The following SLC13A2 variants were observed in gnomAD, a reference collection of about 807,000 sequenced individuals.
The protein encoded by SLC13A2 is solute carrier family 13 member 2, also known as Na(+)-coupled citrate transporter.
SLC13A2 carries 40 observed loss-of-function variants against 58.5 expected under a neutral mutation model. The observed-to-expected ratio is 0.68, with a 90% CI of 0.53 to 0.89. The LOEUF (loss-of-function observed/expected upper bound fraction) is 0.89. Among genes scored for constraint, SLC13A2 ranks in the 40% least tolerant of loss-of-function variants. SLC13A2 has a pLI of 0.00. For synonymous variants in SLC13A2, 341 were observed against 331.6 expected, an observed-to-expected ratio of 1.03 and a Z score of -0.31; for missense variants, 694 against 772.6, an observed-to-expected ratio of 0.90 and a Z score of 1.21.
In SLC13A2 at chr17:28,490,570, C is replaced by T. The variant is rs369058757; in HGVS notation, c.348C>T (p.Ile116=). ...HKRIALRVLL[I]VGVRPAPLIL... ...GCATCGCCCTCCGTGTCCTCCTCAT[C>T]GTTGGGGTGCGGCCTGCCCCGTGAG... The change falls in exon 3 of 12, where the codon ATC becomes ATT. Residue 116 remains isoleucine (I), a synonymous_variant. Coordinates refer to ENST00000314669, the MANE Select transcript of SLC13A2 (RefSeq NM_003984.4). The T allele has an allele frequency of 1.6e-4, 251 of 1,604,482 alleles. No homozygotes were observed. The highest frequency in any genetic ancestry group is 1.0e-4 in the Admixed American group (6 of 59,748).
At chr17:28,477,005 C>G (rs539820449) in intron 1 of SLC13A2, among the ~76,000 whole-genome samples, 40 of 151,556 alleles carry the variant, frequency 2.6e-4, no homozygotes, top group Non-Finnish European at 4.9e-4. Context: ...AAAAAAAACA[C>G]AAAAATTAGC....
At chr17:28,486,604 A>G (rs763523901) in intron 1 of SLC13A2, among the ~76,000 whole-genome samples, 1 of 152,038 alleles carries the variant, frequency 6.6e-6, no homozygotes, top group Non-Finnish European at 1.5e-5. Context: ...CCTCAAATGC[A>G]AGATGTTTAA....
Position 28,495,694 on chromosome 17 carries a change from C to G in SLC13A2, c.1348C>G (p.Pro450Ala). The change falls in exon 10 of 12, where the codon CCA becomes GCA. Residue 450 changes from proline to alanine, a missense_variant. Coordinates refer to ENST00000314669, the MANE Select transcript of SLC13A2 (RefSeq NM_003984.4). ...AGAGTGGCTGGGAAACAAGCTGACC[C>G]CACTGCAGAGTGTGCCAGCTCCAGC... is the stretch of plus-strand genomic sequence containing the variant. ...LSEWLGNKLT[P>A]LQSVPAPAIA... 1 of 1,612,104 alleles carries G rather than the reference C, an allele frequency of 6.2e-7. No individual in the cohort carries two copies. The highest frequency in any genetic ancestry group is 1.1e-5 in the South Asian group (1 of 91,078).
At chr17:28,489,805 G>A (rs2068966058) in intron 2 of SLC13A2, among the ~76,000 whole-genome samples, 1 of 152,186 alleles carries the variant, frequency 6.6e-6, no homozygotes, top group Non-Finnish European at 1.5e-5. Flanking sequence ...CTGGCCCAGG[G>A]ATCATACTTT....
chr17:28,494,233 C>A lies in SLC13A2; in HGVS notation c.1186+128C>A. On this transcript the variant is annotated intron_variant, in intron 8 of 11. Transcript: ENST00000314669. The surrounding 1 kb of genome is among the most constrained non-coding windows in gnomAD (Gnocchi z 4.0). ...AAAGGCTGGAGCGACTTGCCAAGGG[C>A]ACAGGGACTCGGAGACAAAGTTGAG... is the stretch of plus-strand genomic sequence containing the variant. 1 of 1,487,410 alleles carries A rather than the reference C, an allele frequency of 6.7e-7. No individual in the cohort carries two copies. The highest frequency in any genetic ancestry group is 9.3e-7 in the Non-Finnish European group (1 of 1,074,390). 92.1% of individuals were successfully genotyped at this position (1,487,410 alleles called of 1,614,324 possible). A position where few individuals can be genotyped will look rare whatever the true frequency, so the allele number is the denominator to read the frequency against.
At chr17:28,477,415 T>A (rs112891977) in intron 1 of SLC13A2, among the ~76,000 whole-genome samples, 12 of 151,560 alleles carry the variant, frequency 7.9e-5, no homozygotes, top group African/African-American at 2.7e-4. Context: ...AGGATGGTCT[T>A]GATCTCCTGA....
chr17:28,497,072 T>C lies in SLC13A2; in HGVS notation c.1609-27T>C, dbSNP rs782398190. 3 of 1,608,944 alleles carry C rather than the reference T, an allele frequency of 1.9e-6. No individual in the cohort carries two copies. In the South Asian group the frequency reaches 3.3e-5, roughly 18 times the overall value. Reference sequence around the variant, plus strand: ...GGGGCAGTCCAGCCCAGTCCCTGCTTAGCCAAATGGACTCTCCTCACACCA... The same window carrying C: ...GGGGCAGTCCAGCCCAGTCCCTGCTCAGCCAAATGGACTCTCCTCACACCA... On this transcript the variant is annotated intron_variant, in intron 11 of 11. Transcript: ENST00000314669.
intron 1 of SLC13A2, among the ~76,000 whole-genome samples, chr17:28,477,491 G>GC (rs1366393694): frequency 2.0e-5 from 3 of 151,722 alleles, no homozygotes; most frequent in Non-Finnish European, 2.9e-5. Context: ...ACCATGCCCG[G>GC]CCACCCCCAA....
In SLC13A2 at chr17:28,496,595, G is replaced by A. The variant is rs782145509; in HGVS notation, c.1608+8G>A. 2.5e-6 allele frequency: 4 copies of A among 1,608,986 alleles called. No homozygotes were observed. Among genetic ancestry groups the A allele is most frequent in the Non-Finnish European group, 2.5e-6 (3 of 1,176,926 alleles). ...CTCAAAGTGTTGGATATGGTAAGTG[G>A]CAGGGAGGCCTGAATGCCTCATCCC... is the stretch of plus-strand genomic sequence containing the variant. On this transcript the variant is annotated splice_region_variant and intron_variant, in intron 11 of 11. Transcript: ENST00000314669. The surrounding 1 kb of genome is among the most constrained non-coding windows in gnomAD (Gnocchi z 4.2).
chr17:28,483,758 A>G (rs2068828908), intron 1 of SLC13A2, among the ~76,000 whole-genome samples: 1 of 152,228 alleles, frequency 6.6e-6, no homozygotes. Flanking sequence ...AAACTGCATA[A>G]TGGAGATAAA....
intron 1 of SLC13A2, among the ~76,000 whole-genome samples, chr17:28,475,579 G>T (rs757051120): frequency 1.3e-5 from 2 of 152,158 alleles, no homozygotes; most frequent in African/African-American, 2.4e-5. Context: ...GAAGTCTCAA[G>T]ACACTGTCTA....
At chr17:28,484,125 A>G (rs2068836136) in intron 1 of SLC13A2, among the ~76,000 whole-genome samples, 1 of 152,204 alleles carries the variant, frequency 6.6e-6, no homozygotes, top group Admixed American at 6.5e-5. Context: ...GTGAGCAGAA[A>G]CAGACTTGCA....
chr17:28,497,349 C>G lies in SLC13A2; in HGVS notation c.*80C>G. 1 of 1,466,106 alleles carries G rather than the reference C, an allele frequency of 6.8e-7. No individual in the cohort carries two copies. The allele number at this position is 1,466,106 out of a possible 1,614,324, so 90.8% of individuals were successfully genotyped here. A position where few individuals can be genotyped will look rare whatever the true frequency, so the allele number is the denominator to read the frequency against. On this transcript the variant is annotated 3_prime_UTR_variant, in exon 12 of 12. Coordinates refer to ENST00000314669, the MANE Select transcript of SLC13A2 (RefSeq NM_003984.4). Reference sequence around the variant, plus strand: ...GAGCCCGGAGGGGACACCCCAAGCTCCAAGCTCCAAGCTCCAGGCCAAAGG... The same window carrying G: ...GAGCCCGGAGGGGACACCCCAAGCTGCAAGCTCCAAGCTCCAGGCCAAAGG...
At chr17:28,473,956 C>T in intron 1 of SLC13A2, 142 bp downstream of exon 1, 3 of 690,314 alleles carry the variant, frequency 4.3e-6, no homozygotes, top group Non-Finnish European at 7.4e-6. Context: ...CCCTGCTCCT[C>T]CTGAGGACTG....
At chr17:28,495,615 G>A (rs1555604459) in intron 9 of SLC13A2, 40 bp from the exon 10 acceptor site, 1 of 1,589,304 alleles carries the variant, frequency 6.3e-7, no homozygotes. Flanking sequence ...GGGGGCCCAG[G>A]CAGCCTTGCC....
intron 1 of SLC13A2, among the ~76,000 whole-genome samples, chr17:28,475,500 CAA>C (rs2068655507): frequency 6.6e-6 from 1 of 152,214 alleles, no homozygotes; most frequent in Admixed American, 6.5e-5. Context: ...CTTAAACAAA[CAA>C]GAGCTCTCTT....
intron 1 of SLC13A2, among the ~76,000 whole-genome samples, chr17:28,479,415 G>A (rs1450792026): frequency 6.6e-6 from 1 of 152,100 alleles, no homozygotes; most frequent in Non-Finnish European, 1.5e-5. Flanking sequence ...AGAGAAGAGG[G>A]TTGAGGTCAG....
chr17:28,493,865 C>T (rs1555604087), intron 7 of SLC13A2, 76 bp downstream of exon 7: 12 of 1,543,016 alleles, frequency 7.8e-6, no homozygotes, highest in South Asian at 1.1e-5. Context: ...GTATAGGGCC[C>T]CCATTGCAGA....
In SLC13A2 at chr17:28,490,875, A is replaced by G; in HGVS notation, c.543A>G (p.Glu181=). 6.2e-7 allele frequency: 1 copy of G among 1,613,992 alleles called. No homozygotes were observed. The highest frequency in any genetic ancestry group is 8.5e-7 in the Non-Finnish European group (1 of 1,179,958). ...GSNNPTFELQ[E]PSPQKEVTKL... ...ACAACCCCACCTTCGAGCTCCAGGA[A>G]CCAAGTCCCCAGAAGGAGGTGACCA... The change falls in exon 4 of 12, where the codon GAA becomes GAG. Residue 181 remains glutamate (E), a synonymous_variant. Transcript: ENST00000314669.
Sources: gnomAD v4.1 joint callset for allele counts (sites outside exome capture counted in the v4.1 genomes callset) on GRCh38, gnomAD v4.1.1 for gene constraint, Gnocchi (gnomAD v3.1) non-coding constraint, MANE v1.5 for transcripts, NCBI Gene and HGNC (gene_info 2026-07-23, HGNC 2026-07-21) for gene names.